TENM3: variants seen among roughly 807,000 people sequenced by gnomAD.
TENM3 encodes teneurin-3.
Under a neutral mutation model 255.1 loss-of-function variants are expected in TENM3, and 63 were observed. The observed-to-expected ratio is 0.25, with a 90% CI of 0.20 to 0.30. TENM3 has a LOEUF of 0.30. Ranked by LOEUF, TENM3 falls within the 10% of genes least tolerant of loss-of-function variation. TENM3 has a pLI of 1.00. For missense variants in TENM3, 2,929 were observed against 3,461.1 expected, an observed-to-expected ratio of 0.85 and a Z score of 3.86; for synonymous variants, 1,306 against 1,322.3, an observed-to-expected ratio of 0.99 and a Z score of 0.27.
At chr4:181,733,800 C>T in the TENM3 span, among the ~76,000 whole-genome samples, 1 of 152,158 alleles carries the variant, frequency 6.6e-6, no homozygotes, top group African/African-American at 2.4e-5. Context: ...CTTTGTTTTT[C>T]AGGACCACTT....
the TENM3 span, among the ~76,000 whole-genome samples, chr4:181,950,793 C>A: frequency 1.3e-5 from 2 of 152,070 alleles, no homozygotes; most frequent in Admixed American, 6.5e-5. Context: ...GTAATCCCAG[C>A]GCTTTGGCAG....
At chr4:181,627,439 A>T in the TENM3 span, among the ~76,000 whole-genome samples, 2 of 151,998 alleles carry the variant, frequency 1.3e-5, no homozygotes, top group Non-Finnish European at 2.9e-5. Flanking sequence ...GCACACATTA[A>T]CTCGTCATTT....
chr4:181,590,310 T>C, the TENM3 span, among the ~76,000 whole-genome samples: 2 of 152,112 alleles, frequency 1.3e-5, no homozygotes, highest in Non-Finnish European at 2.9e-5. Flanking sequence ...GCCAAGAAGC[T>C]CGAAGGAAAT....
the TENM3 span, among the ~76,000 whole-genome samples, chr4:181,766,093 G>A: frequency 6.6e-6 from 1 of 152,090 alleles, no homozygotes; most frequent in Non-Finnish European, 1.5e-5. Context: ...AAATTTCTCT[G>A]CATGTTTGGG....
At chr4:182,511,365 G>A (rs575062401) in intron 3 of TENM3, among the ~76,000 whole-genome samples, 38 of 152,278 alleles carry the variant, frequency 2.5e-4, no homozygotes, top group African/African-American at 8.9e-4. Context: ...AGATGTCAGT[G>A]TATACTTATT....
the TENM3 span, among the ~76,000 whole-genome samples, chr4:181,667,682 A>G: frequency 2.6e-5 from 4 of 152,128 alleles, no homozygotes; most frequent in Non-Finnish European, 4.4e-5. Flanking sequence ...CAGTCCCTCA[A>G]TCTTGGACTT....
chr4:181,721,355 C>T, the TENM3 span, among the ~76,000 whole-genome samples: 60 of 151,454 alleles, frequency 4.0e-4, no homozygotes, highest in Non-Finnish European at 7.2e-4. Context: ...ATCAAATTTA[C>T]ATGATGGAAT....
chr4:181,925,750 A>G, the TENM3 span, among the ~76,000 whole-genome samples: 1 of 152,224 alleles, frequency 6.6e-6, no homozygotes, highest in African/African-American at 2.4e-5. Context: ...CACATCCAGC[A>G]TCTCCTTTTA....
chr4:182,199,325 G>A (rs887979529), intron 1 of TENM3, among the ~76,000 whole-genome samples: 6 of 152,236 alleles, frequency 3.9e-5, no homozygotes, highest in Middle Eastern at 3.4e-3. Flanking sequence ...AGGAGGCTGA[G>A]GCAGGAGAAT....
chr4:182,444,980 T>C (rs1171513767), intron 3 of TENM3, among the ~76,000 whole-genome samples: 1 of 152,114 alleles, frequency 6.6e-6, no homozygotes, highest in Non-Finnish European at 1.5e-5. Context: ...GCTAATTTTT[T>C]GTATTTTTAG....
the TENM3 span, among the ~76,000 whole-genome samples, chr4:181,571,977 G>GT: frequency 6.6e-6 from 1 of 152,158 alleles, no homozygotes; most frequent in Non-Finnish European, 1.5e-5. Context: ...AATCTTTATA[G>GT]TGTATATTGG....
the TENM3 span, among the ~76,000 whole-genome samples, chr4:181,709,228 CGTATTGTTTTACCTGCTACAG>C: frequency 3.3e-5 from 5 of 152,100 alleles, no homozygotes; most frequent in African/African-American, 7.2e-5. Flanking sequence ...CTGTGTAGCA[CGTATTGTTTTACCTGCTACAG>C]GTATTGTTTT....
At chr4:181,612,528 G>GTGTGTGTGTC in the TENM3 span, among the ~76,000 whole-genome samples, 8 of 151,992 alleles carry the variant, frequency 5.3e-5, no homozygotes, top group East Asian at 1.9e-4. Context: ...GTGTGTCAGA[G>GTGTGTGTGTC]AGAGAGAGAG....
At chr4:182,185,762 C>T (rs1399304637) in intron 1 of TENM3, among the ~76,000 whole-genome samples, 1 of 152,194 alleles carries the variant, frequency 6.6e-6, no homozygotes, top group African/African-American at 2.4e-5. Context: ...GAAATTTCTG[C>T]TTCTTCTGTT....
intron 3 of TENM3, among the ~76,000 whole-genome samples, chr4:182,395,977 C>T (rs1279916929): frequency 2.0e-5 from 3 of 152,240 alleles, no homozygotes; most frequent in South Asian, 2.1e-4. Flanking sequence ...ATAATGATTC[C>T]ATTTTATACT....
At chr4:182,519,178 T>G (rs533302495) in intron 3 of TENM3, among the ~76,000 whole-genome samples, 1 of 151,078 alleles carries the variant, frequency 6.6e-6, no homozygotes, top group Non-Finnish European at 1.5e-5. Context: ...AAAAAAAAAA[T>G]GTAAAATATG....
chr4:181,723,072 A>C, the TENM3 span, among the ~76,000 whole-genome samples: 17 of 152,128 alleles, frequency 1.1e-4, no homozygotes, highest in Non-Finnish European at 2.2e-4. Context: ...TGTTCTACTA[A>C]GCCAGAAAAC....
chr4:181,879,525 G>A, the TENM3 span, among the ~76,000 whole-genome samples: 4 of 152,134 alleles, frequency 2.6e-5, no homozygotes, highest in African/African-American at 7.2e-5. Context: ...AGAGAACAAG[G>A]TGCCCGGCTA....
intron 3 of TENM3, among the ~76,000 whole-genome samples, chr4:182,417,968 C>T (rs956094057): frequency 2.0e-5 from 3 of 152,094 alleles, no homozygotes; most frequent in Middle Eastern, 3.4e-3. Flanking sequence ...TTTATGTGTA[C>T]GTGGTTTTTT....
Sources: gnomAD v4.1 joint callset for allele counts (sites outside exome capture counted in the v4.1 genomes callset) on GRCh38, gnomAD v4.1.1 for gene constraint, MANE v1.5 for transcripts, NCBI Gene and HGNC (gene_info 2026-07-23, HGNC 2026-07-21) for gene names.